The following CTNNA3 variants were observed in gnomAD, a reference collection of about 807,000 sequenced individuals.
CTNNA3 encodes catenin alpha 3.
Under a neutral mutation model 95.7 loss-of-function variants are expected in CTNNA3, and 76 were observed. That is an observed-to-expected ratio of 0.79 (90% CI 0.66 to 0.96). The LOEUF (loss-of-function observed/expected upper bound fraction) is 0.96. Among genes scored for constraint, CTNNA3 ranks in the 40% least tolerant of loss-of-function variants. The pLI, the probability that CTNNA3 is intolerant of heterozygous loss-of-function variation, is 0.00. For synonymous variants in CTNNA3, 431 were observed against 374.4 expected, an observed-to-expected ratio of 1.15 and a Z score of -1.74; for missense variants, 1,191 against 1,089.8, an observed-to-expected ratio of 1.09 and a Z score of -1.31.
intron 15 of CTNNA3, among the ~76,000 whole-genome samples, chr10:66,008,295 G>T (rs1186671635): frequency 6.6e-6 from 1 of 152,198 alleles, no homozygotes; most frequent in Admixed American, 6.5e-5. Flanking sequence ...GAAACTCATA[G>T]AATATATTTT....
At chr10:66,452,796 C>A (rs995895326) in intron 11 of CTNNA3, among the ~76,000 whole-genome samples, 1 of 152,114 alleles carries the variant, frequency 6.6e-6, no homozygotes, top group African/African-American at 2.4e-5. Context: ...CTTACCTGAT[C>A]TCACGGCCCC....
In CTNNA3 at chr10:66,234,069, A is replaced by G. The variant is rs1021764758; in HGVS notation, c.1884+46401T>C. Reference sequence around the variant, plus strand: ...GCAAAATTAATTTGTGGTGATAGGGAAAAATGACTCCTTTTTAAAAGGTTA... The same window carrying G: ...GCAAAATTAATTTGTGGTGATAGGGGAAAATGACTCCTTTTTAAAAGGTTA... On this transcript the variant is annotated intron_variant, in intron 13 of 17. Transcript: ENST00000433211. Among the ~76,000 whole-genome samples the G allele has an allele frequency of 5.9e-5, 9 of 152,308 alleles. No homozygotes were observed. In the South Asian group the frequency reaches 1.9e-3, roughly 32 times the overall value.
chr10:66,620,214 A>C (rs951014525), intron 10 of CTNNA3, among the ~76,000 whole-genome samples: 1 of 152,168 alleles, frequency 6.6e-6, no homozygotes. Flanking sequence ...CTATATATTA[A>C]AATAATTAAA....
intron 2 of CTNNA3, among the ~76,000 whole-genome samples, chr10:67,645,897 C>CAT (rs993186777): frequency 6.7e-6 from 1 of 148,472 alleles, no homozygotes; most frequent in African/African-American, 2.5e-5. Flanking sequence ...TTAAACCCTG[C>CAT]ATATATAGTA....
At chr10:66,029,962 A>T (rs1330963136) in intron 15 of CTNNA3, among the ~76,000 whole-genome samples, 1 of 152,186 alleles carries the variant, frequency 6.6e-6, no homozygotes, top group East Asian at 1.9e-4. Flanking sequence ...GACTTTTCAA[A>T]TTATAGAATC....
At chr10:66,329,179 GACCTCAGGTGATACACCC>G (rs1394977334) in intron 12 of CTNNA3, among the ~76,000 whole-genome samples, 1 of 151,590 alleles carries the variant, frequency 6.6e-6, no homozygotes, top group East Asian at 1.9e-4. Flanking sequence ...TCGAACCCCT[GACCTCAGGTGATACACCC>G]ACCTCAGCCT....
At chr10:66,318,320 G>A (rs977554338) in intron 12 of CTNNA3, among the ~76,000 whole-genome samples, 4 of 149,838 alleles carry the variant, frequency 2.7e-5, no homozygotes, top group South Asian at 2.1e-4. Context: ...GTGTGCACGC[G>A]AATTTGGATA....
At chr10:67,003,634 CATATTACT>C (rs1322597364) in intron 7 of CTNNA3, among the ~76,000 whole-genome samples, 2 of 152,148 alleles carry the variant, frequency 1.3e-5, no homozygotes, top group Non-Finnish European at 2.9e-5. Flanking sequence ...AAACCTATTT[CATATTACT>C]TTTTCAAGTG....
chr10:66,250,929 C>G (rs552352787), intron 13 of CTNNA3, among the ~76,000 whole-genome samples: 1 of 152,294 alleles, frequency 6.6e-6, no homozygotes, highest in African/African-American at 2.4e-5. Flanking sequence ...ATTGAATTGA[C>G]TAGTTACCAT....
chr10:66,360,816 C>CTTTCTTTCTTTCTTTCTTT (rs1564897280), intron 12 of CTNNA3, among the ~76,000 whole-genome samples: 13 of 50,274 alleles, frequency 2.6e-4, no homozygotes, highest in Admixed American at 7.1e-4. Flanking sequence ...TTCCTTCCTT[C>CTTTCTTTCTTTCTTTCTTT]CTTTCTTTCT....
chr10:66,101,667 G>A (rs545238841), intron 14 of CTNNA3, among the ~76,000 whole-genome samples: 1 of 152,212 alleles, frequency 6.6e-6, no homozygotes, highest in African/African-American at 2.4e-5. Context: ...AAGCTCTAAT[G>A]AGATAGCTTT....
intron 1 of CTNNA3, among the ~76,000 whole-genome samples, chr10:67,701,742 A>T (rs1311384917): frequency 3.3e-5 from 5 of 152,330 alleles, no homozygotes; most frequent in Non-Finnish European, 5.9e-5. Context: ...ACCAGCTAAC[A>T]TCATAATGAC....
chr10:66,138,099 G>T (rs369271071), intron 13 of CTNNA3, among the ~76,000 whole-genome samples: 4 of 151,816 alleles, frequency 2.6e-5, no homozygotes, highest in Non-Finnish European at 4.4e-5. Context: ...ATAAAAGCCC[G>T]CAGTCTTTGA....
chr10:67,009,610 TG>T (rs1200321497), intron 7 of CTNNA3, among the ~76,000 whole-genome samples: 1 of 152,164 alleles, frequency 6.6e-6, no homozygotes, highest in Non-Finnish European at 1.5e-5. Flanking sequence ...AATCTTCCAA[TG>T]TTTTTTGGGA....
intron 9 of CTNNA3, among the ~76,000 whole-genome samples, chr10:66,636,937 T>C (rs1285442417): frequency 6.6e-6 from 1 of 152,188 alleles, no homozygotes; most frequent in East Asian, 1.9e-4. Flanking sequence ...TAAATGCTGA[T>C]GGGCTTCATA....
chr10:66,002,267 C>G (rs1281794883), intron 15 of CTNNA3, among the ~76,000 whole-genome samples: 3 of 152,112 alleles, frequency 2.0e-5, no homozygotes, highest in Admixed American at 2.0e-4. Context: ...CAAATTTCTC[C>G]CTCTGGGTGT....
chr10:67,277,660 T>C (rs1589118703), intron 5 of CTNNA3, among the ~76,000 whole-genome samples: 1 of 151,884 alleles, frequency 6.6e-6, no homozygotes, highest in Admixed American at 6.6e-5. Context: ...TAAAACAGAT[T>C]GGGGTAAAGA....
chr10:67,280,280 G>A (rs77848492), intron 5 of CTNNA3, among the ~76,000 whole-genome samples: 3,892 of 150,254 alleles, frequency 0.026, 338 homozygotes, highest in African/African-American at 0.09. Flanking sequence ...AGAAGACTAA[G>A]GAATGTAACC....
At chr10:67,049,323 C>G (rs1854946343) in intron 7 of CTNNA3, among the ~76,000 whole-genome samples, 1 of 152,062 alleles carries the variant, frequency 6.6e-6, no homozygotes, top group Non-Finnish European at 1.5e-5. Flanking sequence ...AACAGAACCC[C>G]AATGTCAGGG....
Sources: gnomAD v4.1 joint callset for allele counts (sites outside exome capture counted in the v4.1 genomes callset) on GRCh38, gnomAD v4.1.1 for gene constraint, MANE v1.5 for transcripts, NCBI Gene and HGNC (gene_info 2026-07-23, HGNC 2026-07-21) for gene names.